ZNF503: variants seen among roughly 807,000 people sequenced by gnomAD.
ZNF503 encodes the protein zinc finger protein 503, also known as NocA-like zinc finger 2.
In ZNF503, 15 loss-of-function variants were observed where a neutral mutation model predicts 34.4. The ratio of observed to expected loss-of-function variants is 0.44; its 90% CI spans 0.29 to 0.67. ZNF503 has a LOEUF of 0.67. ZNF503 is among the 30% of genes least tolerant of loss of function. The pLI, the probability that ZNF503 is intolerant of heterozygous loss-of-function variation, is 0.13. For missense variants in ZNF503, 1,007 were observed against 926.8 expected (o/e 1.09, Z -1.12); for synonymous variants, 580 against 456.8 (o/e 1.27, Z -3.44).
chr10:75,379,489 A>G, the ZNF503 span, among the ~76,000 whole-genome samples: 1 of 152,214 alleles, frequency 6.6e-6, no homozygotes, highest in Admixed American at 6.5e-5. Flanking sequence ...TCATTACCAC[A>G]ATCACAAAAG....
chr10:75,325,617 A>G, the ZNF503 span, among the ~76,000 whole-genome samples: 1 of 152,192 alleles, frequency 6.6e-6, no homozygotes, highest in African/African-American at 2.4e-5. Flanking sequence ...TTTCTCATAT[A>G]CATTTTAGAA....
the ZNF503 span, among the ~76,000 whole-genome samples, chr10:75,371,710 T>C: frequency 6.6e-6 from 1 of 152,156 alleles, no homozygotes; most frequent in Non-Finnish European, 1.5e-5. Context: ...TTGTATTAAG[T>C]CCGCAGATAC....
chr10:75,359,840 C>A, the ZNF503 span, among the ~76,000 whole-genome samples: 1 of 152,138 alleles, frequency 6.6e-6, no homozygotes, highest in African/African-American at 2.4e-5. Flanking sequence ...CTGCTAGTAA[C>A]CCTCTTGTCT....
the ZNF503 span, among the ~76,000 whole-genome samples, chr10:75,303,618 T>C: frequency 3.3e-5 from 5 of 152,214 alleles, no homozygotes; most frequent in African/African-American, 1.2e-4. Context: ...GACACTCTAG[T>C]GTTGAATATA....
chr10:75,341,462 CAT>C, the ZNF503 span, among the ~76,000 whole-genome samples: 1 of 152,144 alleles, frequency 6.6e-6, no homozygotes, highest in East Asian at 1.9e-4. Flanking sequence ...ACACCAGCCT[CAT>C]GTGAATAGAA....
At chr10:75,324,283 G>A in the ZNF503 span, among the ~76,000 whole-genome samples, 5 of 150,574 alleles carry the variant, frequency 3.3e-5, no homozygotes, top group Non-Finnish European at 7.4e-5. Flanking sequence ...GTTTTACATC[G>A]TACATTTAGG....
the ZNF503 span, among the ~76,000 whole-genome samples, chr10:75,337,890 ATCT>A: frequency 4.6e-5 from 7 of 152,182 alleles, no homozygotes; most frequent in Non-Finnish European, 1.0e-4. Context: ...TTTATAACTA[ATCT>A]TCTATACATT....
At chr10:75,294,841 A>G in the ZNF503 span, among the ~76,000 whole-genome samples, 2 of 152,028 alleles carry the variant, frequency 1.3e-5, no homozygotes, top group Non-Finnish European at 2.9e-5. Context: ...GCCGCCTGTC[A>G]GGGTTCTATC....
chr10:75,335,851 G>A, the ZNF503 span, among the ~76,000 whole-genome samples: 4 of 152,116 alleles, frequency 2.6e-5, no homozygotes, highest in African/African-American at 7.2e-5. Context: ...CTGTTTCATA[G>A]CAATGTTTCC....
At chr10:75,365,589 C>A in the ZNF503 span, among the ~76,000 whole-genome samples, 1 of 152,340 alleles carries the variant, frequency 6.6e-6, no homozygotes, top group African/African-American at 2.4e-5. Flanking sequence ...GGGTTGACTT[C>A]ATCCCTGGGT....
At chr10:75,316,382 A>G in the ZNF503 span, among the ~76,000 whole-genome samples, 1 of 149,742 alleles carries the variant, frequency 6.7e-6, no homozygotes, top group Admixed American at 6.7e-5. Flanking sequence ...TTTTTGAGAC[A>G]GTCTCACTCT....
the ZNF503 span, among the ~76,000 whole-genome samples, chr10:75,307,400 G>A: frequency 3.9e-5 from 6 of 152,328 alleles, no homozygotes; most frequent in African/African-American, 1.4e-4. Context: ...GGTTGAGAGA[G>A]GTAAGGAAGC....
chr10:75,374,038 G>T, the ZNF503 span, among the ~76,000 whole-genome samples: 1 of 152,230 alleles, frequency 6.6e-6, no homozygotes, highest in Admixed American at 6.5e-5. Context: ...TCATGGGCAG[G>T]CACGGTGGCT....
chr10:75,314,256 A>C, the ZNF503 span, among the ~76,000 whole-genome samples: 3 of 150,958 alleles, frequency 2.0e-5, no homozygotes, highest in Admixed American at 2.0e-4. Context: ...AAAAAAAAAA[A>C]AGAAAGCTCA....
chr10:75,401,209 G>T lies in ZNF503; in HGVS notation c.211C>A (p.Arg71Ser). ...ATCTTCAGCACCTTGATTGGCAGGC[G>T]GTTGGCCTGGCGCAGGGGGTCAGAG... ...PPSDPLRQAN[R>S]LPIKVLKMLT... Residue 71 changes from arginine (R) to serine (S), a missense_variant, in exon 1 of 2, where the codon CGC (arginine) becomes AGC (serine). Transcript: ENST00000372524. The T allele has an allele frequency of 6.2e-7, 1 of 1,608,184 alleles. No individual in the cohort carries two copies. Among genetic ancestry groups the T allele is most frequent in the African/African-American group, 1.3e-5 (1 of 74,922 alleles).
chr10:75,349,140 A>G, the ZNF503 span, among the ~76,000 whole-genome samples: 4 of 151,830 alleles, frequency 2.6e-5, no homozygotes, highest in African/African-American at 9.7e-5. Context: ...TAACCTTGCT[A>G]CAATGTAACA....
the ZNF503 span, among the ~76,000 whole-genome samples, chr10:75,280,898 G>A: frequency 6.6e-6 from 1 of 152,156 alleles, no homozygotes. Flanking sequence ...GGGGTAGAAT[G>A]TTCCAGGTGG....
the ZNF503 span, among the ~76,000 whole-genome samples, chr10:75,286,736 T>G: frequency 6.6e-6 from 1 of 152,152 alleles, no homozygotes; most frequent in African/African-American, 2.4e-5. Context: ...TTGTCTCTTC[T>G]TTTGGGGGAA....
At chr10:75,396,814 G>C (rs1372762303), downstream of ZNF503, among the ~76,000 whole-genome samples, 1 of 152,114 alleles carries the variant, frequency 6.6e-6, no homozygotes, top group Admixed American at 6.5e-5. The surrounding 1 kb of genome is among the most constrained non-coding windows in gnomAD (Gnocchi z 4.4). Context: ...GGAGCGTCTG[G>C]GAGGGGGCGC....
Sources: gnomAD v4.1 joint callset for allele counts (sites outside exome capture counted in the v4.1 genomes callset) on GRCh38, gnomAD v4.1.1 for gene constraint, Gnocchi (gnomAD v3.1) non-coding constraint, MANE v1.5 for transcripts, NCBI Gene and HGNC (gene_info 2026-07-23, HGNC 2026-07-21) for gene names.